Variants in ADH1C observed in about 807,000 individuals in gnomAD.
The protein encoded by ADH1C is alcohol dehydrogenase 1C (class I), gamma polypeptide, also known as alcohol dehydrogenase 1C.
Under a neutral mutation model 35.0 loss-of-function variants are expected in ADH1C, and 26 were observed. The ratio of observed to expected loss-of-function variants is 0.74; its 90% confidence interval spans 0.54 to 1.03. The LOEUF is 1.03. Ranked by LOEUF, ADH1C falls within the 50% of genes least tolerant of loss-of-function variation. ADH1C has a pLI of 0.00. For synonymous variants in ADH1C, 170 were observed against 169.3 expected (o/e 1.00, Z -0.03); for missense variants, 413 against 465.4 (o/e 0.89, Z 1.04).
intron 1 of ADH1C, among the ~76,000 whole-genome samples, chr4:99,349,805 C>G (rs1662050): frequency 1.2e-5 from 1 of 84,382 alleles, no homozygotes; most frequent in Admixed American, 1.2e-4. Context: ...ATGTGTGTTT[C>G]TGTGTGTGTG....
intron 1 of ADH1C, 124 bp from the exon 2 acceptor site, chr4:99,347,970 G>T: frequency 9.7e-7 from 1 of 1,030,088 alleles, no homozygotes; most frequent in Non-Finnish European, 1.4e-6. Flanking sequence ...GTGTTGCATA[G>T]AAATGAAGTC....
chr4:99,352,746 T>G lies in ADH1C; in HGVS notation c.-71A>C. 1 of 1,506,200 alleles carries G rather than the reference T, an allele frequency of 6.6e-7. No individual in the cohort carries two copies. Among genetic ancestry groups the G allele is most frequent in the Non-Finnish European group, 9.2e-7 (1 of 1,083,834 alleles). 93.3% of individuals were successfully genotyped at this position (1,506,200 alleles called of 1,614,324 possible). A position where few individuals can be genotyped will look rare whatever the true frequency, so the allele number is the denominator to read the frequency against. Reference sequence around the variant, plus strand: ...TGGATTTCTTCTCTGCTTGAGTGCATAAAGCAGGTATGTTGCACAGGTATT... The same window carrying G: ...TGGATTTCTTCTCTGCTTGAGTGCAGAAAGCAGGTATGTTGCACAGGTATT... On this transcript the variant is annotated 5_prime_UTR_variant, in exon 1 of 9. The change abolishes an upstream ATG in the 5' untranslated region. Transcript: ENST00000515683.
intron 6 of ADH1C, 40 bp downstream of exon 6, chr4:99,342,755 T>C (rs1057027823): frequency 1.2e-6 from 2 of 1,613,090 alleles, no homozygotes; most frequent in Admixed American, 3.3e-5. Flanking sequence ...ATCCTCCAGG[T>C]TGCAGAGGCA....
At chr4:99,342,696 A>T in intron 6 of ADH1C, 99 bp downstream of exon 6, 1 of 1,521,236 alleles carries the variant, frequency 6.6e-7, no homozygotes, top group East Asian at 2.3e-5. Context: ...TCCATTCATC[A>T]TTAAAAATAT....
At chr4:99,343,902 C>T (rs1734469246) in intron 5 of ADH1C, among the ~76,000 whole-genome samples, 1 of 152,176 alleles carries the variant, frequency 6.6e-6, no homozygotes, top group Non-Finnish European at 1.5e-5. Context: ...CATGCTGTTC[C>T]TGTTCCAAAT....
At chr4:99,338,053 G>GT (rs1057238942) in intron 8 of ADH1C, among the ~76,000 whole-genome samples, 4 of 151,282 alleles carry the variant, frequency 2.6e-5, no homozygotes, top group Admixed American at 1.3e-4. Context: ...AAGGATCTAG[G>GT]TTTTTTTTGG....
chr4:99,345,200 C>T lies in ADH1C; in HGVS notation c.326G>A (p.Ser109Asn). ...GKCRICKNPE[S>N]NYCLKNDLGN... is the part of the protein sequence containing the mutation. ...TTACTCATTTTTCAAGCAGTAGTTGCTTTCTGGGTTTTTACAAATTCTGCA... is the reference window on the plus strand; with the variant it reads ...TTACTCATTTTTCAAGCAGTAGTTGTTTTCTGGGTTTTTACAAATTCTGCA... The change falls in exon 4 of 9, where the codon AGC (serine) becomes AAC (asparagine). Residue 109 changes from serine to asparagine, a missense_variant. Coordinates refer to ENST00000515683, the MANE Select transcript of ADH1C (RefSeq NM_000669.5). The T allele has an allele frequency of 1.2e-6, 2 of 1,614,048 alleles. No homozygotes were observed. The highest frequency in any genetic ancestry group is 1.7e-6 in the Non-Finnish European group (2 of 1,179,934).
At chr4:99,342,584 G>A (rs1022655646) in intron 6 of ADH1C, among the ~76,000 whole-genome samples, 9 of 151,824 alleles carry the variant, frequency 5.9e-5, no homozygotes, top group Admixed American at 5.3e-4. Flanking sequence ...TTCTTTTCTC[G>A]AGGAAATATG....
rs537651923 is a variant in ADH1C, at chr4:99,336,715, G to A, written c.*37C>T. On this transcript the variant is annotated 3_prime_UTR_variant, in exon 9 of 9. Transcript: ENST00000515683. Reference sequence around the variant, plus strand: ...CTCCAGATCATGTAGGGTAGAGGAGGCTGAAAACTGCTACAAGGGAAGGCA... The same window carrying A: ...CTCCAGATCATGTAGGGTAGAGGAGACTGAAAACTGCTACAAGGGAAGGCA... The A allele has an allele frequency of 1.0e-4, 167 of 1,610,486 alleles. 1 individual carries two copies. In the South Asian group the frequency reaches 1.8e-3, roughly 17 times the overall value.
intron 1 of ADH1C, 100 bp downstream of exon 1, chr4:99,352,558 A>G (rs1734701717): frequency 5.9e-6 from 6 of 1,014,742 alleles, no homozygotes; most frequent in Non-Finnish European, 8.7e-6. Flanking sequence ...TAATTTAGAT[A>G]TGAATTTTAA....
chr4:99,336,792 A>G lies in ADH1C; in HGVS notation c.1104-16T>C. On this transcript the variant is annotated splice_polypyrimidine_tract_variant and intron_variant, in intron 8 of 8. Transcript: ENST00000515683. ...GGTACGGATACTGCAATAGGAAAGA[A>G]GAGACATTGTGTTAACATTTAGACA... The G allele has an allele frequency of 1.2e-6, 2 of 1,613,652 alleles. No homozygotes were observed. Among genetic ancestry groups the G allele is most frequent in the Non-Finnish European group, 1.7e-6 (2 of 1,179,670 alleles).
rs5860576 is a variant in ADH1C at position 99,339,512 on chromosome 4, G to GCCCCCCCCCCC, written c.1103+54_1103+64dup. 13 of 743,928 alleles carry GCCCCCCCCCCC rather than the reference G, an allele frequency of 1.7e-5. 1 individual carries two copies. Among genetic ancestry groups the GCCCCCCCCCCC allele is most frequent in the African/African-American group, 1.2e-4 (6 of 51,874 alleles). 46.1% of individuals were successfully genotyped at this position (743,928 alleles called of 1,614,324 possible). On this transcript the variant is annotated intron_variant, in intron 8 of 8. Coordinates refer to ENST00000515683, the MANE Select transcript of ADH1C (RefSeq NM_000669.5). ...ACCTTTTCATTCTCTGCTAGACAAC[G>GCCCCCCCCCCC]CCCCCCCCCCCCCCGCCGCTACTGT...
At chr4:99,340,281 G>C (rs546444666) in intron 7 of ADH1C, among the ~76,000 whole-genome samples, 8 of 152,206 alleles carry the variant, frequency 5.3e-5, no homozygotes, top group African/African-American at 1.9e-4. Context: ...GGGCACAGTG[G>C]TGCATGCCTG....
In ADH1C at chr4:99,352,672, T is replaced by A; in HGVS notation, c.4A>T (p.Ser2Cys). ...TTTTTGCTTACTTTTCCTGCTGTGC[T>A]CATATTGATTCTGTCTTCTCTGCAG... The part of the protein sequence containing the change: M[S>C]TAGKVIKCKA... Residue 2 changes from serine (S) to cysteine (C), a missense_variant, in exon 1 of 9, where the codon AGC (serine) becomes TGC (cysteine). By Grantham distance (112) the Ser-to-Cys change is moderately radical. Transcript: ENST00000515683. 6.2e-7 allele frequency: 1 copy of A among 1,613,072 alleles called. No individual in the cohort carries two copies. Among genetic ancestry groups the A allele is most frequent in the Non-Finnish European group, 8.5e-7 (1 of 1,179,214 alleles).
intron 5 of ADH1C, among the ~76,000 whole-genome samples, 154 bp from the exon 6 acceptor site, chr4:99,343,209 T>C (rs1017277070): frequency 2.6e-5 from 4 of 152,234 alleles, no homozygotes; most frequent in African/African-American, 7.2e-5. Context: ...AAATGCTTCA[T>C]GTTTAAATTC....
chr4:99,349,653 C>T (rs1275699225), intron 1 of ADH1C, among the ~76,000 whole-genome samples: 1 of 133,920 alleles, frequency 7.5e-6, no homozygotes, highest in Non-Finnish European at 1.8e-5. Flanking sequence ...AATTTTCTCT[C>T]TCCACTTCTG....
Position 99,338,266 on chromosome 4 carries a change from C to T in ADH1C, c.1103+1311G>A, listed in dbSNP as rs139554733. Among the ~76,000 whole-genome samples, 891 of 149,958 alleles carry T rather than the reference C, an allele frequency of 5.9e-3. 4 individuals carry two copies. The highest frequency in any genetic ancestry group is 0.017 in the Middle Eastern group (5 of 288). ...AAGTGAATTTAGGCATGCTCCATGC[C>T]TTCTTTTGTTGCTCAATAGTGTCTT... is the stretch of plus-strand genomic sequence containing the variant. On this transcript the variant is annotated intron_variant, in intron 8 of 8. Transcript: ENST00000515683.
Position 99,339,661 on chromosome 4 carries a change from T to G in ADH1C, c.1019A>C (p.Lys340Thr), listed in dbSNP as rs1474185764. Reference sequence around the variant, plus strand: ...TGTTATTAATGCATCCAGTGAAAACTTCTTAGCCATAAAGTCAGCCACAAG... The same window carrying G: ...TGTTATTAATGCATCCAGTGAAAACGTCTTAGCCATAAAGTCAGCCACAAG... ...PKLVADFMAK[K>T]FSLDALITNI... Residue 340 changes from lysine (K) to threonine (T), a missense_variant, in exon 8 of 9, where the codon AAG becomes ACG. Physicochemically the swap from Lys to Thr is moderately conservative, Grantham distance 78. Transcript: ENST00000515683. 5 of 1,612,244 alleles carry G rather than the reference T, an allele frequency of 3.1e-6. No homozygotes were observed. Among genetic ancestry groups the G allele is most frequent in the Non-Finnish European group, 4.2e-6 (5 of 1,179,324 alleles).
At position 99,344,885 on chromosome 4, in the gene ADH1C, C is replaced by T; in HGVS notation, c.544G>A (p.Gly182Arg). ...LIGCGFSTGY[G>R]SAVKVAKVTP... ...ACCTTGGCAACTTTGACTGCAGACC[C>T]ATAACCAGTCGAAAATCCACAGCCA... Residue 182 changes from glycine to arginine, a missense_variant, in exon 5 of 9, where the codon GGG becomes AGG. By Grantham distance (125) the Gly-to-Arg change is moderately radical. Coordinates refer to ENST00000515683, the MANE Select transcript of ADH1C (RefSeq NM_000669.5). 1 of 1,614,184 alleles carries T rather than the reference C, an allele frequency of 6.2e-7. No homozygotes were observed. The highest frequency in any genetic ancestry group is 8.5e-7 in the Non-Finnish European group (1 of 1,180,024).
Sources: gnomAD v4.1 joint callset for allele counts (sites outside exome capture counted in the v4.1 genomes callset) on GRCh38, gnomAD v4.1.1 for gene constraint, MANE v1.5 for transcripts, NCBI Gene and HGNC (gene_info 2026-07-23, HGNC 2026-07-21) for gene names.